EML5: variants seen among roughly 807,000 people sequenced by gnomAD.
EML5 encodes echinoderm microtubule-associated protein-like 5.
Under a neutral mutation model 250.0 loss-of-function variants are expected in EML5, and 120 were observed. That is an observed-to-expected ratio of 0.48 (90% CI 0.41 to 0.56). EML5 has a LOEUF of 0.56. EML5 is among the 20% of genes least tolerant of loss of function. The pLI is 0.00. For missense variants in EML5, 2,006 were observed against 2,437.6 expected (o/e 0.82, Z 3.73); for synonymous variants, 771 against 806.5 (o/e 0.96, Z 0.75).
At position 88,726,568 on chromosome 14, in the gene EML5, T is replaced by G. The variant is rs1400657766; in HGVS notation, c.1160A>C (p.Asp387Ala). 6.2e-7 allele frequency: 1 copy of G among 1,605,550 alleles called. No individual in the cohort carries two copies. Among genetic ancestry groups the G allele is most frequent in the East Asian group, 2.2e-5 (1 of 44,738 alleles). Residue 387 changes from aspartate to alanine, a missense_variant, in exon 8 of 44, where the codon GAT becomes GCT. Physicochemically the swap from Asp to Ala is moderately radical, Grantham distance 126. This residue lies in a region of EML5 where 1,375 missense variants were observed against 1,590.3 expected (regional missense o/e 0.86). Coordinates refer to ENST00000554922, the MANE Select transcript of EML5 (RefSeq NM_183387.3). ...TACTCTAAGTACAGTGAATGAGCCA[T>G]CCTTCATTCCAAGGGCAAGATGGAT... is the stretch of plus-strand genomic sequence containing the variant. The part of the protein sequence containing the change: ...DGIHLALGMK[D>A]GSFTVLRVRD...
At chr14:88,718,993 T>C (rs1484969844) in intron 8 of EML5, among the ~76,000 whole-genome samples, 1 of 152,184 alleles carries the variant, frequency 6.6e-6, no homozygotes, top group Non-Finnish European at 1.5e-5. Flanking sequence ...GAATGTGTGA[T>C]TTCTTCAGCA....
At chr14:88,651,165 T>C (rs1350753379) in intron 27 of EML5, among the ~76,000 whole-genome samples, 1 of 148,940 alleles carries the variant, frequency 6.7e-6, no homozygotes, top group Non-Finnish European at 1.5e-5. Flanking sequence ...TTTTTTTTTT[T>C]TTTTTTTTTT....
At chr14:88,631,882 T>C (rs1262642000) in intron 33 of EML5, among the ~76,000 whole-genome samples, 1 of 152,214 alleles carries the variant, frequency 6.6e-6, no homozygotes, top group Non-Finnish European at 1.5e-5. Flanking sequence ...CATTGCAAAG[T>C]GACAATTTAA....
At chr14:88,713,143 G>A (rs566544563) in intron 9 of EML5, among the ~76,000 whole-genome samples, 102 of 152,258 alleles carry the variant, frequency 6.7e-4, no homozygotes, top group Admixed American at 1.2e-3. Context: ...TGTAATCCCA[G>A]CACTTTGGGA....
chr14:88,693,781 T>C (rs1285361461), intron 17 of EML5, among the ~76,000 whole-genome samples: 1 of 143,780 alleles, frequency 7.0e-6, no homozygotes, highest in East Asian at 2.0e-4. Flanking sequence ...TTTTTTTTTT[T>C]TTTTTTTCGA....
intron 7 of EML5, among the ~76,000 whole-genome samples, chr14:88,728,368 T>C (rs1020444332): frequency 6.6e-6 from 1 of 152,186 alleles, no homozygotes; most frequent in Admixed American, 6.5e-5. Context: ...AAGCCACGTC[T>C]AATGTTTAAC....
At chr14:88,712,037 G>GAT (rs1219364652) in intron 10 of EML5, among the ~76,000 whole-genome samples, 19 of 151,828 alleles carry the variant, frequency 1.3e-4, no homozygotes, top group African/African-American at 4.3e-4. Flanking sequence ...AAAAGAAAGA[G>GAT]ATATAGTGCA....
At chr14:88,765,723 GCAGACT>G (rs1399104048) in intron 1 of EML5, among the ~76,000 whole-genome samples, 1 of 152,134 alleles carries the variant, frequency 6.6e-6, no homozygotes, top group African/African-American at 2.4e-5. Context: ...TGGCTACCAT[GCAGACT>G]CAGAAATTGA....
At chr14:88,623,681 G>C (rs2089466195) in intron 36 of EML5, 1 of 152,234 alleles carries the variant, frequency 6.6e-6, no homozygotes, top group African/African-American at 2.4e-5. Flanking sequence ...CAAAGTGTTG[G>C]GATTACAGGC....
intron 21 of EML5, among the ~76,000 whole-genome samples, chr14:88,667,849 T>C (rs1362807918): frequency 6.6e-6 from 1 of 152,212 alleles, no homozygotes; most frequent in African/African-American, 2.4e-5. Flanking sequence ...TTCAGGAAGA[T>C]TCTCTGGCAG....
At position 88,627,899 on chromosome 14, in the gene EML5, G is replaced by C. The variant is rs1144916; in HGVS notation, c.4358-80C>G. Reference sequence around the variant, plus strand: ...TTCTAAAGCTTATGCATATTCATCTGTGAAACATGGACAAATGTGTACCAA... The same window carrying C: ...TTCTAAAGCTTATGCATATTCATCTCTGAAACATGGACAAATGTGTACCAA... On this transcript the variant is annotated intron_variant, in intron 33 of 43. Coordinates refer to ENST00000554922, the MANE Select transcript of EML5 (RefSeq NM_183387.3). The C allele has an allele frequency of 0.87, 1,101,646 of 1,273,190 alleles. 478,769 individuals are homozygous for C. The highest frequency in any genetic ancestry group is 0.94 in the East Asian group (37,235 of 39,558). 78.9% of individuals were successfully genotyped at this position (1,273,190 alleles called of 1,614,324 possible).
chr14:88,770,882 A>G (rs900158147), intron 1 of EML5, among the ~76,000 whole-genome samples: 29 of 152,216 alleles, frequency 1.9e-4, no homozygotes, highest in African/African-American at 5.8e-4. Context: ...CATCTGAAAT[A>G]TATGGAAAGA....
At chr14:88,731,322 T>TC (rs2093754423) in intron 7 of EML5, among the ~76,000 whole-genome samples, 2 of 81,146 alleles carry the variant, frequency 2.5e-5, no homozygotes, top group Admixed American at 1.3e-4. Context: ...ATGCAGTGTT[T>TC]GGTTTTTGTC....
chr14:88,670,793 T>C (rs984295707), intron 21 of EML5, among the ~76,000 whole-genome samples: 1 of 151,262 alleles, frequency 6.6e-6, no homozygotes, highest in Non-Finnish European at 1.5e-5. Flanking sequence ...AATAACTGAA[T>C]AGACCAAGCA....
chr14:88,782,109 T>C (rs1488457382), intron 1 of EML5, among the ~76,000 whole-genome samples: 1 of 152,214 alleles, frequency 6.6e-6, no homozygotes, highest in Non-Finnish European at 1.5e-5. Context: ...TGAATGGCTT[T>C]GTCTAAAATG....
At chr14:88,714,417 G>A (rs1292320632) in intron 9 of EML5, among the ~76,000 whole-genome samples, 4 of 152,070 alleles carry the variant, frequency 2.6e-5, no homozygotes, top group Non-Finnish European at 4.4e-5. Flanking sequence ...GTGGATATAA[G>A]GAGATATAAG....
At chr14:88,657,038 G>A (rs1226844061) in intron 27 of EML5, among the ~76,000 whole-genome samples, 1 of 152,090 alleles carries the variant, frequency 6.6e-6, no homozygotes, top group African/African-American at 2.4e-5. Flanking sequence ...TGACACTCAG[G>A]TAGGAGTGCA....
chr14:88,782,457 A>G (rs2094507061), intron 1 of EML5, among the ~76,000 whole-genome samples: 1 of 152,240 alleles, frequency 6.6e-6, no homozygotes, highest in Non-Finnish European at 1.5e-5. Flanking sequence ...GCCAAAGGCT[A>G]ATCACAAAGA....
chr14:88,706,929 A>C (rs573794911), intron 10 of EML5, among the ~76,000 whole-genome samples: 397 of 152,360 alleles, frequency 2.6e-3, no homozygotes, highest in Non-Finnish European at 3.5e-3. Flanking sequence ...TAAAAAGTCA[A>C]TCAATGTAAT....
Sources: gnomAD v4.1 joint callset for allele counts (sites outside exome capture counted in the v4.1 genomes callset) on GRCh38, gnomAD v4.1.1 for gene constraint, gnomAD v4.1.1 regional missense constraint, MANE v1.5 for transcripts, NCBI Gene and HGNC (gene_info 2026-07-23, HGNC 2026-07-21) for gene names.